The following ATF6B variants were observed in gnomAD, a reference collection of about 807,000 sequenced individuals.
The protein encoded by ATF6B is activating transcription factor 6 beta.
A neutral mutation model predicts 83.5 loss-of-function variants in ATF6B; 50 were observed. The observed-to-expected ratio is 0.60, with a 90% CI of 0.48 to 0.76. The LOEUF (loss-of-function observed/expected upper bound fraction) is 0.76, where lower values mean the gene tolerates loss of function less well. ATF6B is among the 30% of genes least tolerant of loss of function. The pLI is 0.00. For missense variants in ATF6B, 790 were observed against 893.8 expected, an observed-to-expected ratio of 0.88 and a Z score of 1.48; for synonymous variants, 344 against 362.8, an observed-to-expected ratio of 0.95 and a Z score of 0.59.
rs890247176 is a variant in ATF6B, at chr6:32,116,966, A to G, written c.1685+71T>C. 3.8e-6 allele frequency: 6 copies of G among 1,563,566 alleles called. 1 individual carries two copies. The East Asian group carries it at 6.7e-5, about 18-fold the overall frequency. On this transcript the variant is annotated intron_variant, in intron 15 of 17. Transcript: ENST00000375203. This position sits in a 1 kb window ranked among gnomAD's most constrained non-coding sequence, Gnocchi z 5.1. ...TGGTGACAGTAATGACAGGCACAGG[A>G]CAGCTACTGGGGGTACAGCTCTTGA...
intron 5 of ATF6B, among the ~76,000 whole-genome samples, chr6:32,123,919 T>C (rs912954723): frequency 6.6e-6 from 1 of 151,898 alleles, no homozygotes; most frequent in Non-Finnish European, 1.5e-5. Context: ...ACAATCAACA[T>C]GTCAACTGGG....
In ATF6B at chr6:32,117,269, G is replaced by A; in HGVS notation, c.1614+54C>T. The A allele has an allele frequency of 1.3e-6, 2 of 1,585,482 alleles. No individual in the cohort carries two copies. Among genetic ancestry groups the A allele is most frequent in the Non-Finnish European group, 1.7e-6 (2 of 1,160,456 alleles). On this transcript the variant is annotated intron_variant, in intron 14 of 17. Coordinates refer to ENST00000375203, the MANE Select transcript of ATF6B (RefSeq NM_004381.5). The surrounding 1 kb of genome is among the most constrained non-coding windows in gnomAD (Gnocchi z 5.0). Reference sequence around the variant, plus strand: ...ATGCCCACTAGAAATCCCCAGACAAGGCCTTTAGCCCTTGTCTTCAAGTGG... The same window carrying A: ...ATGCCCACTAGAAATCCCCAGACAAAGCCTTTAGCCCTTGTCTTCAAGTGG...
chr6:32,118,042 T>C lies in ATF6B; in HGVS notation c.1245-4A>G, dbSNP rs1261864337. ...AGCTGAAGGAGGCTCACTGATGCTG[T>C]GGATAAAGAAGGACTGAGCACAATG... On this transcript the variant is annotated splice_region_variant and splice_polypyrimidine_tract_variant and intron_variant, in intron 11 of 17. Transcript: ENST00000375203. The surrounding 1 kb of genome is among the most constrained non-coding windows in gnomAD (Gnocchi z 5.2). 4.1e-5 allele frequency: 66 copies of C among 1,614,124 alleles called. No individual in the cohort carries two copies. The highest frequency in any genetic ancestry group is 5.6e-5 in the Non-Finnish European group (66 of 1,180,026).
At position 32,116,573 on chromosome 6, in the gene ATF6B, C is replaced by T. The variant is rs1781537230; in HGVS notation, c.1798-9G>A. ...GGGAGCAGCAGGTGGTCCTGGGGAA[C>T]AGATGGGCCAGGCCAGAAGGGTGGA... On this transcript the variant is annotated splice_polypyrimidine_tract_variant and intron_variant, in intron 16 of 17. Transcript: ENST00000375203. The surrounding 1 kb of genome is among the most constrained non-coding windows in gnomAD (Gnocchi z 5.1). The T allele has an allele frequency of 1.3e-6, 2 of 1,596,400 alleles. No individual in the cohort carries two copies. The highest frequency in any genetic ancestry group is 1.7e-6 in the Non-Finnish European group (2 of 1,169,594).
In ATF6B at chr6:32,117,611, T is replaced by C; in HGVS notation, c.1508A>G (p.His503Arg). 2 of 1,614,170 alleles carry C rather than the reference T, an allele frequency of 1.2e-6. No homozygotes were observed. The highest frequency in any genetic ancestry group is 1.7e-6 in the Non-Finnish European group (2 of 1,180,016). The stretch of plus-strand genomic sequence containing the variant: ...CCTCAGGGACTCAGTGCGGTTGAAG[T>C]GCCGGCAATCAGAGGAGAGGAAGAG... ...DQLFLSSDCRHFNRTESLRLA... is the reference protein window; with the variant it reads ...DQLFLSSDCRRFNRTESLRLA... Residue 503 changes from histidine to arginine, a missense_variant, in exon 13 of 18, where the codon CAC (histidine) becomes CGC (arginine). His to Arg is a conservative substitution (Grantham distance 29, BLOSUM62 0). Transcript: ENST00000375203. The surrounding 1 kb of genome is among the most constrained non-coding windows in gnomAD (Gnocchi z 5.0).
chr6:32,119,363 G>A lies in ATF6B; in HGVS notation c.967-222C>T, dbSNP rs961322046. ...GCTACTGCTCCTCAGAGGTGGGAAAGGTTAGAGTGTGGGAAGAACTTTCTC... is the reference window on the plus strand; with the variant it reads ...GCTACTGCTCCTCAGAGGTGGGAAAAGTTAGAGTGTGGGAAGAACTTTCTC... On this transcript the variant is annotated intron_variant, in intron 9 of 17. Coordinates refer to ENST00000375203, the MANE Select transcript of ATF6B (RefSeq NM_004381.5). This position sits in a 1 kb window ranked among gnomAD's most constrained non-coding sequence, Gnocchi z 4.9. 6.6e-6 allele frequency among the ~76,000 whole-genome samples: 1 copy of A among 152,160 alleles called. No individual in the cohort carries two copies. Among genetic ancestry groups the A allele is most frequent in the African/African-American group, 2.4e-5 (1 of 41,430 alleles).
rs1265665600 is a variant in ATF6B at position 32,118,673 on chromosome 6, T to A, written c.1244+102A>T. ...CGGTGCCAAGGACACCAGAACCATT[T>A]GTATATAAGCAGAAGGAAATGGCCT... On this transcript the variant is annotated intron_variant, in intron 11 of 17. Coordinates refer to ENST00000375203, the MANE Select transcript of ATF6B (RefSeq NM_004381.5). The surrounding 1 kb of genome is among the most constrained non-coding windows in gnomAD (Gnocchi z 5.2). 1.3e-4 allele frequency: 148 copies of A among 1,169,024 alleles called. No individual in the cohort carries two copies. Among genetic ancestry groups the A allele is most frequent in the Non-Finnish European group, 3.8e-6 (3 of 795,666 alleles). 72.4% of individuals were successfully genotyped at this position (1,169,024 alleles called of 1,614,324 possible).
Position 32,117,247 on chromosome 6 carries a change from C to T in ATF6B, c.1614+76G>A. 1 of 1,558,674 alleles carries T rather than the reference C, an allele frequency of 6.4e-7. No individual in the cohort carries two copies. The highest frequency in any genetic ancestry group is 8.8e-7 in the Non-Finnish European group (1 of 1,141,582). On this transcript the variant is annotated intron_variant, in intron 14 of 17. Transcript: ENST00000375203. This position sits in a 1 kb window ranked among gnomAD's most constrained non-coding sequence, Gnocchi z 5.0. ...TCCCTCAAACTTCCACAGCGAGATG[C>T]CCACTAGAAATCCCCAGACAAGGCC... is the stretch of plus-strand genomic sequence containing the variant.
Position 32,120,793 on chromosome 6 carries a change from C to A in ATF6B, c.810G>T (p.Gln270His). The change falls in exon 8 of 18, where the codon CAG (glutamine) becomes CAT (histidine). Residue 270 changes from glutamine to histidine, a missense_variant. By Grantham distance (24) the Gln-to-His change is conservative. This residue lies in a region of ATF6B where 530 missense variants were observed against 632.6 expected (regional missense o/e 0.84). Coordinates refer to ENST00000375203, the MANE Select transcript of ATF6B (RefSeq NM_004381.5). ...AVPPSTTVLLQSLVQPPPVSP... is the reference protein window; with the variant it reads ...AVPPSTTVLLHSLVQPPPVSP... ...TACCTGGGGGTGGCTGGACGAGGGA[C>A]TGCAGAAGGACTGTGGTGCTGGGAG... 2 of 1,610,678 alleles carry A rather than the reference C, an allele frequency of 1.2e-6. No homozygotes were observed. Among genetic ancestry groups the A allele is most frequent in the Non-Finnish European group, 8.5e-7 (1 of 1,178,148 alleles).
In ATF6B at chr6:32,127,096, C is replaced by G. The variant is rs1270104260; in HGVS notation, c.342+7G>C. ...CACAGAGAGTAAGAGGGATATGGCT[C>G]TCTCACCTCGCTGGATGGCTCTGTG... On this transcript the variant is annotated splice_region_variant and intron_variant, in intron 4 of 17. Transcript: ENST00000375203. 6.3e-6 allele frequency: 10 copies of G among 1,581,514 alleles called. No individual in the cohort carries two copies. Among genetic ancestry groups the G allele is most frequent in the Admixed American group, 1.8e-5 (1 of 54,152 alleles).
Position 32,117,799 on chromosome 6 carries a change from G to C in ATF6B, c.1424+60C>G. ...AAGCTTTGGGTCCCCCTCACTGAAA[G>C]CGGGGAGAAGACCAACTCATACCCT... is the stretch of plus-strand genomic sequence containing the variant. On this transcript the variant is annotated intron_variant, in intron 12 of 17. Transcript: ENST00000375203. The surrounding 1 kb of genome is among the most constrained non-coding windows in gnomAD (Gnocchi z 5.0). The C allele has an allele frequency of 6.4e-7, 1 of 1,565,508 alleles. No homozygotes were observed. Among genetic ancestry groups the C allele is most frequent in the South Asian group, 1.2e-5 (1 of 84,936 alleles).
chr6:32,126,243 C>A lies in ATF6B; in HGVS notation c.352G>T (p.Val118Leu). Residue 118 changes from valine (V) to leucine (L), a missense_variant, in exon 5 of 18, where the codon GTA (valine) becomes TTA (leucine). By Grantham distance (32) the Val-to-Leu change is conservative. Coordinates refer to ENST00000375203, the MANE Select transcript of ATF6B (RefSeq NM_004381.5). ...GTCTTCACATGGAGCACCTCCCCTA[C>A]CCCAAGAGCCTGGGTGAGAGTTGGT... Reference protein sequence around the residue: ...STEPSSEALGVGEVLHVKTES... With the variant: ...STEPSSEALGLGEVLHVKTES... 1 of 1,613,906 alleles carries A rather than the reference C, an allele frequency of 6.2e-7. No individual in the cohort carries two copies. The highest frequency in any genetic ancestry group is 8.5e-7 in the Non-Finnish European group (1 of 1,179,954).
rs2127334715 is a variant in ATF6B at position 32,118,182 on chromosome 6, A to G, written c.1245-144T>C. 1 of 1,020,072 alleles carries G rather than the reference A, an allele frequency of 9.8e-7. No individual in the cohort carries two copies. The highest frequency in any genetic ancestry group is 1.4e-5 in the South Asian group (1 of 69,210). The allele number at this position is 1,020,072 out of a possible 1,614,324, so 63.2% of individuals were successfully genotyped here. On this transcript the variant is annotated intron_variant, in intron 11 of 17. Transcript: ENST00000375203. This position sits in a 1 kb window ranked among gnomAD's most constrained non-coding sequence, Gnocchi z 5.2. Reference sequence around the variant, plus strand: ...CTGCCTCTGTAAGATGGGAATAAGGATGGTCCCTACATACAAAAAAGACAG... The same window carrying G: ...CTGCCTCTGTAAGATGGGAATAAGGGTGGTCCCTACATACAAAAAAGACAG...
intron 1 of ATF6B, 100 bp from the exon 2 acceptor site, chr6:32,127,850 A>C: frequency 7.6e-7 from 1 of 1,322,218 alleles, no homozygotes; most frequent in Non-Finnish European, 1.1e-6. Context: ...GCTCGGCCAG[A>C]CCCACCGCCC....
rs778260653 is a variant in ATF6B at position 32,117,600 on chromosome 6, T to A, written c.1519A>T (p.Thr507Ser). Residue 507 changes from threonine to serine, a missense_variant, in exon 13 of 18, where the codon ACT becomes TCT. By Grantham distance (58) the Thr-to-Ser change is moderately conservative. Coordinates refer to ENST00000375203, the MANE Select transcript of ATF6B (RefSeq NM_004381.5). This position sits in a 1 kb window ranked among gnomAD's most constrained non-coding sequence, Gnocchi z 5.0. ...LSSDCRHFNR[T>S]ESLRLADELS... ...TGAATCCCACACCTCAGGGACTCAG[T>A]GCGGTTGAAGTGCCGGCAATCAGAG... 1 of 1,614,028 alleles carries A rather than the reference T, an allele frequency of 6.2e-7. No individual in the cohort carries two copies. The highest frequency in any genetic ancestry group is 1.7e-5 in the Admixed American group (1 of 60,016).
chr6:32,120,627 T>G, intron 8 of ATF6B, 144 bp downstream of exon 8: 2 of 1,035,458 alleles, frequency 1.9e-6, no homozygotes, highest in Non-Finnish European at 1.3e-6. Context: ...ATTTTTGTAT[T>G]TTTAGTAGAG....
chr6:32,127,859 C>T (rs1782053196), intron 1 of ATF6B, 109 bp from the exon 2 acceptor site: 3 of 1,260,508 alleles, frequency 2.4e-6, no homozygotes, highest in Non-Finnish European at 3.4e-6. Flanking sequence ...GACCCACCGC[C>T]CGCCCACTTG....
chr6:32,121,167 C>T (rs754895321), intron 6 of ATF6B, 43 bp from the exon 7 acceptor site: 17 of 1,608,764 alleles, frequency 1.1e-5, no homozygotes, highest in Middle Eastern at 1.6e-4. Flanking sequence ...GGAAGAGTGT[C>T]GAGGAGAAGG....
At chr6:32,126,361 C>A (rs1236763925) in intron 4 of ATF6B, 109 bp from the exon 5 acceptor site, 1 of 1,344,062 alleles carries the variant, frequency 7.4e-7, no homozygotes, top group Non-Finnish European at 1.0e-6. Flanking sequence ...GGCTTACAAG[C>A]CATCAATTAT....
Sources: gnomAD v4.1 joint callset for allele counts (sites outside exome capture counted in the v4.1 genomes callset) on GRCh38, gnomAD v4.1.1 for gene constraint, gnomAD v4.1.1 regional missense constraint, Gnocchi (gnomAD v3.1) non-coding constraint, MANE v1.5 for transcripts, NCBI Gene and HGNC (gene_info 2026-07-23, HGNC 2026-07-21) for gene names.